WASHC2A: variants seen among roughly 807,000 people sequenced by gnomAD.
WASHC2A encodes WASH complex subunit 2A.
A neutral mutation model predicts 140.3 loss-of-function variants in WASHC2A; 82 were observed. The observed-to-expected ratio is 0.58, with a 90% CI of 0.49 to 0.70. The LOEUF (loss-of-function observed/expected upper bound fraction) is 0.70, where lower values mean the gene tolerates loss of function less well. Among genes scored for constraint, WASHC2A ranks in the 30% least tolerant of loss-of-function variants. WASHC2A has a pLI of 0.00. For missense variants in WASHC2A, 985 were observed against 1,521.8 expected, an observed-to-expected ratio of 0.65 and a Z score of 5.87; for synonymous variants, 340 against 560.8, an observed-to-expected ratio of 0.61 and a Z score of 5.56.
At chr10:50,070,723 T>C (rs1425668337) in intron 3 of WASHC2A, among the ~76,000 whole-genome samples, 1 of 140,680 alleles carries the variant, frequency 7.1e-6, no homozygotes, top group Non-Finnish European at 1.5e-5. Context: ...GGAGTACTTA[T>C]GAGTTTGAAA....
chr10:50,075,743 C>CTTT (rs1169277504), intron 3 of WASHC2A, among the ~76,000 whole-genome samples: 3 of 151,786 alleles, frequency 2.0e-5, no homozygotes, highest in African/African-American at 7.3e-5. Context: ...TTTCTGCCCT[C>CTTT]TGCTGTTTGT....
rs1177525686 is a variant in WASHC2A at position 50,116,318 on chromosome 10, A to AT, written c.2143-1573dup. On this transcript the variant is annotated intron_variant, in intron 21 of 30. Transcript: ENST00000282633. ...CAACTATTTGCATTGAATTATTATT[A>AT]TTTTTTTTTTTTTTTGAGACGGAGT... is the stretch of plus-strand genomic sequence containing the variant. Among the ~76,000 whole-genome samples the AT allele has an allele frequency of 2.1e-3, 116 of 54,676 alleles. 27 individuals are homozygous for AT. The highest frequency in any genetic ancestry group is 0.016 in the South Asian group (19 of 1,194). The allele number at this position is 54,676 out of a possible 152,430, so 35.9% of individuals were successfully genotyped here.
rs1044938508 is a variant in WASHC2A at position 50,133,122 on chromosome 10, A to C, written c.*177A>C. ...TGGTTTAATCATGCTTAATACTACA[A>C]AACAAAAATAAATATTTCACAGTGG... On this transcript the variant is annotated 3_prime_UTR_variant, in exon 31 of 31. Transcript: ENST00000282633. 7.3e-5 allele frequency: 74 copies of C among 1,008,290 alleles called. No homozygotes were observed. Among genetic ancestry groups the C allele is most frequent in the Middle Eastern group, 6.5e-4 (2 of 3,056 alleles). 62.5% of individuals were successfully genotyped at this position (1,008,290 alleles called of 1,614,324 possible).
In WASHC2A at chr10:50,095,628, G is replaced by T. The variant is rs781931806; in HGVS notation, c.1270G>T (p.Val424Phe). The T allele has an allele frequency of 1.9e-6, 3 of 1,611,786 alleles. No individual in the cohort carries two copies. Among genetic ancestry groups the T allele is most frequent in the Non-Finnish European group, 2.5e-6 (3 of 1,179,850 alleles). ...CACGGATGTGTTTGGTGCTGCCTCC[G>T]TTCCATCAATGAAGGAGCCACAGAA... ...GDTDVFGAAS[V>F]PSMKEPQKPE... Residue 424 changes from valine to phenylalanine, a missense_variant, in exon 15 of 31, where the codon GTT (valine) becomes TTT (phenylalanine). Transcript: ENST00000282633.
rs893093639 is a variant in WASHC2A at position 50,127,331 on chromosome 10, G to A, written c.2874+109G>A. The A allele has an allele frequency of 7.0e-3, 11,157 of 1,593,342 alleles. 45 individuals carry two copies. The highest frequency in any genetic ancestry group is 8.6e-3 in the Non-Finnish European group (10,013 of 1,164,126). On this transcript the variant is annotated intron_variant, in intron 27 of 30. Coordinates refer to ENST00000282633, the MANE Select transcript of WASHC2A (RefSeq NM_001005751.3). ...CAAGCATCTTCTCATCTCTTCCCCC[G>A]CCTCCCCTCCCCTGCACCTAGTTGT...
At position 50,118,193 on chromosome 10, in the gene WASHC2A, C is replaced by T. The variant is rs1842816929; in HGVS notation, c.2295+135C>T. On this transcript the variant is annotated intron_variant, in intron 22 of 30. Coordinates refer to ENST00000282633, the MANE Select transcript of WASHC2A (RefSeq NM_001005751.3). ...AGACAGATTTGAAAACATAGACAAG[C>T]AGGCTGTGTCCCCACAGTGCAGGAA... is the stretch of plus-strand genomic sequence containing the variant. 6.2e-6 allele frequency: 4 copies of T among 644,564 alleles called. No homozygotes were observed. The South Asian group carries it at 7.1e-5, about 11-fold the overall frequency. The allele number at this position is 644,564 out of a possible 1,614,324, so 39.9% of individuals were successfully genotyped here. A position where few individuals can be genotyped will look rare whatever the true frequency, so the allele number is the denominator to read the frequency against.
rs1426134376 is a variant in WASHC2A at position 50,123,695 on chromosome 10, T to A, written c.2479-1418T>A. Reference sequence around the variant, plus strand: ...CTGAATATACCAAAAAATCATTACATTTTATACGTAAATGGGTAGATTTTA... The same window carrying A: ...CTGAATATACCAAAAAATCATTACAATTTATACGTAAATGGGTAGATTTTA... On this transcript the variant is annotated intron_variant, in intron 23 of 30. Coordinates refer to ENST00000282633, the MANE Select transcript of WASHC2A (RefSeq NM_001005751.3). Among the ~76,000 whole-genome samples, 191 of 149,996 alleles carry A rather than the reference T, an allele frequency of 1.3e-3. 2 individuals carry two copies. The South Asian group carries it at 0.018, about 14-fold the overall frequency.
chr10:50,114,614 C>G (rs1192954826), intron 21 of WASHC2A, among the ~76,000 whole-genome samples: 1 of 111,660 alleles, frequency 9.0e-6, no homozygotes, highest in African/African-American at 3.3e-5. Context: ...GCCTGGAAAC[C>G]GGCCTGAAAG....
intron 20 of WASHC2A, among the ~76,000 whole-genome samples, chr10:50,111,665 T>C (rs1216777953): frequency 0.012 from 1,811 of 152,298 alleles, 30 homozygotes; most frequent in African/African-American, 0.041. Flanking sequence ...TGTTGCTCTC[T>C]CCTGGGACAT....
rs1840181307 is a variant in WASHC2A at position 50,093,978 on chromosome 10, T to C, written c.1180+61T>C. Reference sequence around the variant, plus strand: ...AGAGTTCCAAAACTGTCTTTCTCACTAGGAGATGGAACAAGGTTGTTCCCA... The same window carrying C: ...AGAGTTCCAAAACTGTCTTTCTCACCAGGAGATGGAACAAGGTTGTTCCCA... On this transcript the variant is annotated intron_variant, in intron 13 of 30. Transcript: ENST00000282633. 11 of 1,596,086 alleles carry C rather than the reference T, an allele frequency of 6.9e-6. No individual in the cohort carries two copies. In the Admixed American group the frequency reaches 1.5e-4, roughly 22 times the overall value.
chr10:50,124,228 C>G (rs1173850136), intron 23 of WASHC2A, among the ~76,000 whole-genome samples: 1 of 151,930 alleles, frequency 6.6e-6, no homozygotes, highest in Non-Finnish European at 1.5e-5. Flanking sequence ...CTCAGCCTCC[C>G]AAGTAGCTGG....
intron 3 of WASHC2A, among the ~76,000 whole-genome samples, chr10:50,072,227 G>A (rs1837901664): frequency 6.7e-6 from 1 of 149,226 alleles, no homozygotes. Context: ...TAGGATTACA[G>A]GCGCGAGCCA....
At chr10:50,086,449 A>T (rs1265189629) in intron 7 of WASHC2A, among the ~76,000 whole-genome samples, 3 of 151,786 alleles carry the variant, frequency 2.0e-5, no homozygotes, top group Non-Finnish European at 4.4e-5. Flanking sequence ...TATTTTTATT[A>T]TTTTTTTTAT....
intron 20 of WASHC2A, among the ~76,000 whole-genome samples, chr10:50,111,676 T>A (rs1398281220): frequency 6.6e-6 from 1 of 152,184 alleles, no homozygotes; most frequent in East Asian, 1.9e-4. Context: ...CCTGGGACAT[T>A]CTTCTTCCTG....
At chr10:50,132,619 G>T (rs1844081036) in intron 30 of WASHC2A, among the ~76,000 whole-genome samples, 187 bp from the exon 31 acceptor site, 1 of 152,200 alleles carries the variant, frequency 6.6e-6, no homozygotes, top group Non-Finnish European at 1.5e-5. Flanking sequence ...AAACCTGTGT[G>T]TGATCATAAA....
chr10:50,071,407 G>A (rs1279216244), intron 3 of WASHC2A, among the ~76,000 whole-genome samples: 1 of 151,646 alleles, frequency 6.6e-6, no homozygotes, highest in African/African-American at 2.4e-5. Context: ...CCGGGTTCAC[G>A]CCATTCTCCT....
chr10:50,123,942 T>A (rs1454099955), intron 23 of WASHC2A, among the ~76,000 whole-genome samples: 1 of 152,162 alleles, frequency 6.6e-6, no homozygotes, highest in Non-Finnish European at 1.5e-5. Context: ...TCCCAGTCTC[T>A]TACTGTGTAT....
At chr10:50,087,966 C>A (rs1167073092) in intron 8 of WASHC2A, among the ~76,000 whole-genome samples, 160 of 151,690 alleles carry the variant, frequency 1.1e-3, no homozygotes, top group Non-Finnish European at 1.9e-3. Context: ...CAGGTGCCCA[C>A]CACCATGCTC....
rs1044638 is a variant in WASHC2A, at chr10:50,133,014, G to C, written c.*69G>C. 9.9e-6 allele frequency: 16 copies of C among 1,611,002 alleles called. No individual in the cohort carries two copies. Among genetic ancestry groups the C allele is most frequent in the Middle Eastern group, 2.2e-4 (1 of 4,448 alleles). On this transcript the variant is annotated 3_prime_UTR_variant, in exon 31 of 31. Transcript: ENST00000282633. ...AGTTAGTGATGATGTTGTATATGCT[G>C]ATGGTCTTAACTGGATTACAAAAAG... is the stretch of plus-strand genomic sequence containing the variant.
Sources: gnomAD v4.1 joint callset for allele counts (sites outside exome capture counted in the v4.1 genomes callset) on GRCh38, gnomAD v4.1.1 for gene constraint, MANE v1.5 for transcripts, NCBI Gene and HGNC (gene_info 2026-07-23, HGNC 2026-07-21) for gene names.